The following ST3GAL1 variants were observed in gnomAD, a reference collection of about 807,000 sequenced individuals.
ST3GAL1 encodes ST3 beta-galactoside alpha-2,3-sialyltransferase 1.
ST3GAL1 carries 16 observed loss-of-function variants against 34.1 expected under a neutral mutation model. The ratio of observed to expected loss-of-function variants is 0.47; its 90% CI spans 0.32 to 0.71. The LOEUF (loss-of-function observed/expected upper bound fraction) is 0.71. Ranked by LOEUF, ST3GAL1 falls within the 30% of genes least tolerant of loss-of-function variation. The probability of loss-of-function intolerance (pLI) is 0.04; values close to 1 mark genes in which losing one functional copy is unlikely to be tolerated. For synonymous variants in ST3GAL1, 191 were observed against 184.7 expected (o/e 1.03, Z -0.28); for missense variants, 353 against 447.4 (o/e 0.79, Z 1.90).
intron 1 of ST3GAL1, among the ~76,000 whole-genome samples, chr8:133,557,904 CAAAAA>C (rs543479046): frequency 3.1e-5 from 2 of 65,382 alleles, no homozygotes; most frequent in African/African-American, 8.2e-5. Flanking sequence ...GACTCCGTCT[CAAAAA>C]AAAAAAAAAA....
chr8:133,535,727 A>T (rs952331821), intron 2 of ST3GAL1, among the ~76,000 whole-genome samples: 4 of 152,128 alleles, frequency 2.6e-5, no homozygotes, highest in Admixed American at 2.0e-4. Context: ...GGCCTCAAGC[A>T]ATCTGCCCGC....
In ST3GAL1 at chr8:133,517,239, C is replaced by T. The variant is rs544336996; in HGVS notation, c.-428-18050G>A. 7.2e-5 allele frequency among the ~76,000 whole-genome samples: 11 copies of T among 152,358 alleles called. No homozygotes were observed. In the South Asian group the frequency reaches 2.3e-3, roughly 32 times the overall value. Reference sequence around the variant, plus strand: ...CCAAGCTATGTGACCTTGAGCAAGTCCCTGTCCCTTTACTCCTCTAAGCTT... The same window carrying T: ...CCAAGCTATGTGACCTTGAGCAAGTTCCTGTCCCTTTACTCCTCTAAGCTT... On this transcript the variant is annotated intron_variant, in intron 2 of 9. Transcript: ENST00000522652.
chr8:133,501,550 A>T (rs1216012698), intron 2 of ST3GAL1, among the ~76,000 whole-genome samples: 2 of 145,922 alleles, frequency 1.4e-5, no homozygotes, highest in African/African-American at 2.6e-5. Context: ...GAGTTCAAAG[A>T]CCAGCTTGGC....
intron 2 of ST3GAL1, among the ~76,000 whole-genome samples, chr8:133,532,100 G>A (rs1818174344): frequency 6.6e-6 from 1 of 152,154 alleles, no homozygotes; most frequent in African/African-American, 2.4e-5. Flanking sequence ...ATAGTAAAGG[G>A]ATCTGTAAAA....
At position 133,570,696 on chromosome 8, in the gene ST3GAL1, C is replaced by A. The variant is rs1819542299; in HGVS notation, c.-582+997G>T. On this transcript the variant is annotated intron_variant, in intron 1 of 9. Transcript: ENST00000522652. The surrounding 1 kb of genome is among the most constrained non-coding windows in gnomAD (Gnocchi z 5.6). ...AGCCGCGCTTCCTCCCGCAAGGTCA[C>A]GCTTAAACACTCGCGCAGAGAAAGG... 6.6e-6 allele frequency among the ~76,000 whole-genome samples: 1 copy of A among 152,186 alleles called. No individual in the cohort carries two copies.
chr8:133,473,600 T>A (rs1181429410), intron 5 of ST3GAL1, among the ~76,000 whole-genome samples: 2 of 152,222 alleles, frequency 1.3e-5, no homozygotes, highest in Non-Finnish European at 2.9e-5. Flanking sequence ...GGAGATGGGA[T>A]GTGTGTGAAG....
intron 5 of ST3GAL1, among the ~76,000 whole-genome samples, chr8:133,475,363 G>A (rs371545348): frequency 6.6e-6 from 1 of 152,244 alleles, no homozygotes; most frequent in African/African-American, 2.4e-5. Context: ...AGCTGCAAGA[G>A]GATGCACTTT....
chr8:133,473,267 A>C (rs1245374213), intron 5 of ST3GAL1, among the ~76,000 whole-genome samples: 1 of 152,096 alleles, frequency 6.6e-6, no homozygotes, highest in African/African-American at 2.4e-5. Flanking sequence ...CTCTCTAATA[A>C]CAGTTTTTAA....
chr8:133,538,641 C>T (rs1178605276), intron 2 of ST3GAL1, among the ~76,000 whole-genome samples: 2 of 152,216 alleles, frequency 1.3e-5, no homozygotes, highest in African/African-American at 4.8e-5. Flanking sequence ...GCATTCCTTT[C>T]TCTGTGCATA....
chr8:133,550,688 T>C (rs1586662223), intron 1 of ST3GAL1, among the ~76,000 whole-genome samples: 1 of 152,182 alleles, frequency 6.6e-6, no homozygotes, highest in South Asian at 2.1e-4. Flanking sequence ...AAGAAAAATG[T>C]CTACCTTCTC....
intron 2 of ST3GAL1, among the ~76,000 whole-genome samples, chr8:133,526,074 C>G (rs1817964976): frequency 6.6e-6 from 1 of 152,198 alleles, no homozygotes; most frequent in Non-Finnish European, 1.5e-5. Context: ...GCTGGCATCC[C>G]CACAGCAGCT....
intron 2 of ST3GAL1, among the ~76,000 whole-genome samples, chr8:133,514,784 C>T (rs1014600586): frequency 6.6e-6 from 1 of 152,084 alleles, no homozygotes; most frequent in Non-Finnish European, 1.5e-5. Context: ...ATGGGTCTGC[C>T]CGCTAAGACC....
chr8:133,479,099 A>C (rs1456464181), intron 3 of ST3GAL1, among the ~76,000 whole-genome samples: 1 of 152,096 alleles, frequency 6.6e-6, no homozygotes, highest in Admixed American at 6.5e-5. Flanking sequence ...CGGATTGATA[A>C]CACAAATTCT....
intron 3 of ST3GAL1, chr8:133,488,582 T>A (rs1816686053): frequency 6.6e-6 from 1 of 152,266 alleles, no homozygotes; most frequent in African/African-American, 2.4e-5. Flanking sequence ...TTGAATCTCT[T>A]AATATGCATA....
chr8:133,456,782 G>A lies in ST3GAL1; in HGVS notation c.*2982C>T, dbSNP rs1815317502. On this transcript the variant is annotated 3_prime_UTR_variant, in exon 10 of 10. Transcript: ENST00000522652. ...CAGCCTGCAGCTAGAGCTCGGCGCT[G>A]AGAGAGCACAGGAGAGTCAGACACC... 6.6e-6 allele frequency: 1 copy of A among 152,250 alleles called. No individual in the cohort carries two copies. Among genetic ancestry groups the A allele is most frequent in the Non-Finnish European group, 1.5e-5 (1 of 68,098 alleles). 9.4% of individuals were successfully genotyped at this position (152,250 alleles called of 1,614,324 possible).
At chr8:133,505,491 T>C (rs1487689399) in intron 2 of ST3GAL1, among the ~76,000 whole-genome samples, 6 of 152,248 alleles carry the variant, frequency 3.9e-5, no homozygotes, top group African/African-American at 1.2e-4. Flanking sequence ...CTATCTTTTG[T>C]CAGCATCTGC....
At chr8:133,504,401 T>C (rs892856166) in intron 2 of ST3GAL1, among the ~76,000 whole-genome samples, 10 of 152,248 alleles carry the variant, frequency 6.6e-5, no homozygotes, top group Admixed American at 1.3e-4. Context: ...CTCAATCCAA[T>C]CCAATCAGCT....
chr8:133,491,769 A>G (rs772360845), intron 3 of ST3GAL1, among the ~76,000 whole-genome samples: 1 of 152,128 alleles, frequency 6.6e-6, no homozygotes, highest in South Asian at 2.1e-4. Context: ...GACAGCAGGC[A>G]TTTCGCATGA....
chr8:133,551,629 C>A (rs1818869882), intron 1 of ST3GAL1, among the ~76,000 whole-genome samples: 1 of 151,426 alleles, frequency 6.6e-6, no homozygotes, highest in Admixed American at 6.6e-5. Context: ...AGCGAGCAAG[C>A]CTTTCTCTGA....
Sources: gnomAD v4.1 joint callset for allele counts (sites outside exome capture counted in the v4.1 genomes callset) on GRCh38, gnomAD v4.1.1 for gene constraint, Gnocchi (gnomAD v3.1) non-coding constraint, MANE v1.5 for transcripts, NCBI Gene and HGNC (gene_info 2026-07-23, HGNC 2026-07-21) for gene names.